Variants in ANKRD33B observed in about 807,000 individuals in gnomAD.
The protein encoded by ANKRD33B is ankyrin repeat domain-containing protein 33B.
ANKRD33B carries 6 observed loss-of-function variants against 21.5 expected under a neutral mutation model. The observed-to-expected ratio is 0.28, with a 90% CI of 0.15 to 0.55. The LOEUF (loss-of-function observed/expected upper bound fraction) is 0.55. Ranked by LOEUF, ANKRD33B falls within the 20% of genes least tolerant of loss-of-function variation. The pLI is 0.94. For missense variants in ANKRD33B, 698 were observed against 747.2 expected (o/e 0.93, Z 0.77); for synonymous variants, 347 against 342.4 (o/e 1.01, Z -0.15).
intron 1 of ANKRD33B, among the ~76,000 whole-genome samples, chr5:10,590,605 C>CGTGT (rs1272288189): frequency 5.2e-5 from 5 of 95,360 alleles, no homozygotes; most frequent in South Asian, 2.9e-4. Flanking sequence ...CGCGCGCGCG[C>CGTGT]GCGTGTGTGT....
chr5:10,642,730 G>A (rs1019074940), intron 3 of ANKRD33B, among the ~76,000 whole-genome samples: 3 of 152,144 alleles, frequency 2.0e-5, no homozygotes, highest in African/African-American at 7.2e-5. Flanking sequence ...GATTATTGGT[G>A]AGTTTATGTG....
intron 1 of ANKRD33B, among the ~76,000 whole-genome samples, chr5:10,587,646 A>C (rs1374147733): frequency 6.6e-6 from 1 of 151,546 alleles, no homozygotes; most frequent in African/African-American, 2.4e-5. Context: ...GGAGCTAATG[A>C]TAGTGAATTT....
chr5:10,653,739 C>T lies in ANKRD33B; in HGVS notation c.*3626C>T, dbSNP rs1308245485. The stretch of plus-strand genomic sequence containing the variant: ...TTCTTGTCCCATCCCCACTCAGTAT[C>T]ATCGGGTATCTGGTAGTCAGGGGTC... On this transcript the variant is annotated 3_prime_UTR_variant, in exon 4 of 4. Transcript: ENST00000296657. 3 of 152,448 alleles carry T rather than the reference C, an allele frequency of 2.0e-5. No homozygotes were observed. Among genetic ancestry groups the T allele is most frequent in the African/African-American group, 7.2e-5 (3 of 41,450 alleles). 9.4% of individuals were successfully genotyped at this position (152,448 alleles called of 1,614,324 possible).
chr5:10,638,448 C>T (rs1385082166), intron 3 of ANKRD33B, among the ~76,000 whole-genome samples: 1 of 152,242 alleles, frequency 6.6e-6, no homozygotes, highest in Non-Finnish European at 1.5e-5. Context: ...ACCCGTTCTA[C>T]ACCCCAAGTC....
Position 10,576,263 on chromosome 5 carries a change from T to C in ANKRD33B, c.366+11430T>C, listed in dbSNP as rs1251740842. Among the ~76,000 whole-genome samples the C allele has an allele frequency of 6.6e-6, 1 of 152,142 alleles. No homozygotes were observed. Among genetic ancestry groups the C allele is most frequent in the Non-Finnish European group, 1.5e-5 (1 of 68,034 alleles). On this transcript the variant is annotated intron_variant, in intron 1 of 3. Transcript: ENST00000296657. The surrounding 1 kb of genome is among the most constrained non-coding windows in gnomAD (Gnocchi z 4.1). ...ATGAAAGCAGGGTCAGACCTAGTTA[T>C]TAATAGGTGGGAAGAGGACTCACTG...
chr5:10,633,757 T>C (rs1002072985), intron 2 of ANKRD33B, among the ~76,000 whole-genome samples: 9 of 152,242 alleles, frequency 5.9e-5, no homozygotes, highest in African/African-American at 2.2e-4. Flanking sequence ...GTCAGGTACA[T>C]TGCAGAATGT....
chr5:10,647,989 T>G (rs570856920), intron 3 of ANKRD33B, among the ~76,000 whole-genome samples: 74 of 152,268 alleles, frequency 4.9e-4, no homozygotes, highest in African/African-American at 1.7e-3. Flanking sequence ...CATAGAAAAC[T>G]AAAACTGACC....
intron 2 of ANKRD33B, among the ~76,000 whole-genome samples, chr5:10,636,903 A>G (rs952248590): frequency 2.0e-5 from 3 of 152,216 alleles, no homozygotes; most frequent in African/African-American, 7.2e-5. Context: ...GTCTGGACAC[A>G]GTTTTGGTTG....
intron 2 of ANKRD33B, among the ~76,000 whole-genome samples, chr5:10,636,229 G>A (rs781375996): frequency 1.2e-4 from 19 of 152,336 alleles, no homozygotes; most frequent in Admixed American, 2.6e-4. Flanking sequence ...CGAGGCCCCT[G>A]CAGCTGCGAC....
At chr5:10,637,683 C>T (rs1433535946) in intron 2 of ANKRD33B, among the ~76,000 whole-genome samples, 1 of 152,038 alleles carries the variant, frequency 6.6e-6, no homozygotes, top group East Asian at 1.9e-4. Flanking sequence ...GGCTTCCTGC[C>T]CTCATTGGCT....
chr5:10,610,939 G>A (rs930379104), intron 1 of ANKRD33B, among the ~76,000 whole-genome samples: 6 of 152,312 alleles, frequency 3.9e-5, no homozygotes, highest in Non-Finnish European at 5.9e-5. Flanking sequence ...AGCTACCTGG[G>A]AGGCCGAGGC....
intron 1 of ANKRD33B, among the ~76,000 whole-genome samples, chr5:10,577,716 G>A (rs982676252): frequency 6.6e-6 from 1 of 152,246 alleles, no homozygotes; most frequent in Non-Finnish European, 1.5e-5. Flanking sequence ...AATAGCAGCA[G>A]TGACATAGCT....
rs185629710 is a variant in ANKRD33B, at chr5:10,657,547, A to G, written c.*7434A>G. ...TATTTTGAGGTGAGAGTTTTGTTAT[A>G]GTTTATAAAAGATATTTTCCTATTC... is the stretch of plus-strand genomic sequence containing the variant. On this transcript the variant is annotated 3_prime_UTR_variant, in exon 4 of 4. Coordinates refer to ENST00000296657, the MANE Select transcript of ANKRD33B (RefSeq NM_001164440.2). The G allele has an allele frequency of 6.6e-6, 1 of 152,462 alleles. No individual in the cohort carries two copies. Among genetic ancestry groups the G allele is most frequent in the African/African-American group, 2.4e-5 (1 of 41,580 alleles). 9.4% of individuals were successfully genotyped at this position (152,462 alleles called of 1,614,324 possible).
At position 10,650,085 on chromosome 5, in the gene ANKRD33B, G is replaced by A. The variant is rs1403322640; in HGVS notation, c.1457G>A (p.Arg486His). Reference protein sequence around the residue: ...KRQAEAQKERRTAPWKKRT With the variant: ...KRQAEAQKERHTAPWKKRT Reference sequence around the variant, plus strand: ...CAGGCCGAGGCGCAGAAGGAGAGGCGCACTGCGCCCTGGAAGAAGAGGACG... The same window carrying A: ...CAGGCCGAGGCGCAGAAGGAGAGGCACACTGCGCCCTGGAAGAAGAGGACG... Residue 486 changes from arginine to histidine, a missense_variant, in exon 4 of 4, where the codon CGC (arginine) becomes CAC (histidine). Arg to His is a conservative substitution (Grantham distance 29, BLOSUM62 0). Around this residue, in one of 3 missense-constraint regions of ANKRD33B, gnomAD observed 543 missense variants for 566.5 expected, o/e 0.96. Coordinates refer to ENST00000296657, the MANE Select transcript of ANKRD33B (RefSeq NM_001164440.2). 1.9e-5 allele frequency: 29 copies of A among 1,527,600 alleles called. No homozygotes were observed. Among genetic ancestry groups the A allele is most frequent in the Admixed American group, 1.4e-4 (7 of 50,438 alleles). The allele number at this position is 1,527,600 out of a possible 1,614,324, so 94.6% of individuals were successfully genotyped here.
intron 1 of ANKRD33B, among the ~76,000 whole-genome samples, chr5:10,607,626 A>G (rs925956515): frequency 4.6e-5 from 7 of 152,234 alleles, no homozygotes; most frequent in African/African-American, 1.2e-4. Flanking sequence ...TTGTGTGTGT[A>G]CTTTCACCAG....
At chr5:10,603,725 A>T (rs1037695847) in intron 1 of ANKRD33B, among the ~76,000 whole-genome samples, 3 of 152,186 alleles carry the variant, frequency 2.0e-5, no homozygotes, top group African/African-American at 7.2e-5. Context: ...GTGTTAATAG[A>T]TGATTTTATA....
chr5:10,621,040 C>T (rs773093629), intron 2 of ANKRD33B, among the ~76,000 whole-genome samples: 15 of 152,156 alleles, frequency 9.9e-5, no homozygotes, highest in African/African-American at 1.4e-4. Flanking sequence ...TTAAAAATCT[C>T]GTGTGTTCTA....
intron 3 of ANKRD33B, 141 bp from the exon 4 acceptor site, chr5:10,649,125 G>A (rs1737257389): frequency 7.1e-7 from 1 of 1,412,418 alleles, no homozygotes; most frequent in Non-Finnish European, 9.3e-7. Flanking sequence ...GGTTCGCAGA[G>A]TGAACTAGGT....
At chr5:10,633,873 T>C (rs1445063432) in intron 2 of ANKRD33B, among the ~76,000 whole-genome samples, 1 of 152,186 alleles carries the variant, frequency 6.6e-6, no homozygotes. Flanking sequence ...GTCACCTGGC[T>C]GAGGTCATGT....
Sources: allele counts gnomAD v4.1 joint callset (sites outside exome capture counted in the v4.1 genomes callset), GRCh38; gene constraint gnomAD v4.1.1; regional missense constraint gnomAD v4.1.1; non-coding constraint Gnocchi (gnomAD v3.1); transcripts MANE v1.5; gene names NCBI Gene and HGNC (gene_info 2026-07-23, HGNC 2026-07-21).